Variants in GLIS3 observed in about 807,000 individuals in gnomAD.
GLIS3 encodes zinc finger protein GLIS3.
Under a neutral mutation model 78.6 loss-of-function variants are expected in GLIS3, and 53 were observed. That is an observed-to-expected ratio of 0.67 (90% confidence interval 0.54 to 0.85). The LOEUF (loss-of-function observed/expected upper bound fraction) is 0.85, where lower values mean the gene tolerates loss of function less well. Ranked by LOEUF, GLIS3 falls within the 40% of genes least tolerant of loss-of-function variation. The pLI is 0.00. For missense variants in GLIS3, 1,703 were observed against 1,231.1 expected (o/e 1.38, Z -5.74); for synonymous variants, 684 against 509.9 (o/e 1.34, Z -4.60).
rs116363155 is a variant in GLIS3, at chr9:3,991,613, T to A, written c.1711-54424A>T. On this transcript the variant is annotated intron_variant, in intron 4 of 10. Transcript: ENST00000381971. ...TTTTTGTTTTAATTATACTTTCATA[T>A]TTTAACTGTTGCTTATCTTGGGGTT... is the stretch of plus-strand genomic sequence containing the variant. Among the ~76,000 whole-genome samples, 530 of 152,142 alleles carry A rather than the reference T, an allele frequency of 3.5e-3. 5 individuals carry two copies. Among genetic ancestry groups the A allele is most frequent in the African/African-American group, 0.012 (518 of 41,506 alleles).
At chr9:4,277,246 G>A (rs181442006) in intron 2 of GLIS3, among the ~76,000 whole-genome samples, 16 of 152,160 alleles carry the variant, frequency 1.1e-4, no homozygotes, top group Admixed American at 3.3e-4. Flanking sequence ...CTAAGTATAG[G>A]AAAGTAACAT....
At chr9:4,317,918 G>A (rs951452513) in intron 2 of GLIS3, among the ~76,000 whole-genome samples, 2 of 152,130 alleles carry the variant, frequency 1.3e-5, no homozygotes, top group South Asian at 2.1e-4. Flanking sequence ...CAAGCCAAGG[G>A]AATTGTTCCT....
At position 3,824,808 on chromosome 9, in the gene GLIS3, G is replaced by A. The variant is rs1193759126; in HGVS notation, c.*3464C>T. 2 of 151,128 alleles carry A rather than the reference G, an allele frequency of 1.3e-5. No homozygotes were observed. The highest frequency in any genetic ancestry group is 4.9e-5 in the African/African-American group (2 of 40,856). The allele number at this position is 151,128 out of a possible 1,614,324, so 9.4% of individuals were successfully genotyped here. On this transcript the variant is annotated 3_prime_UTR_variant, in exon 11 of 11. Transcript: ENST00000381971. ...GATTTCCACTTTTTTCCCCCAAAGT[G>A]CTTTATGTCAGCAACATTACACAGG...
At chr9:4,022,651 A>G (rs939528560) in intron 4 of GLIS3, among the ~76,000 whole-genome samples, 1 of 152,142 alleles carries the variant, frequency 6.6e-6, no homozygotes, top group African/African-American at 2.4e-5. Flanking sequence ...CTTATTCACA[A>G]TAGTCAAAAA....
chr9:3,908,714 T>TTTG (rs1823906867), intron 6 of GLIS3, among the ~76,000 whole-genome samples: 2 of 141,456 alleles, frequency 1.4e-5, no homozygotes, highest in South Asian at 2.3e-4. Context: ...TTGTTTTTTT[T>TTTG]TTTTTTTTTT....
the GLIS3 span, among the ~76,000 whole-genome samples, chr9:4,400,353 G>A: frequency 3.3e-5 from 5 of 152,082 alleles, no homozygotes; most frequent in Non-Finnish European, 7.3e-5. Flanking sequence ...GCAAAGGGTA[G>A]AGCTCTTTAT....
intron 2 of GLIS3, among the ~76,000 whole-genome samples, chr9:4,131,283 G>A (rs781102021): frequency 2.0e-5 from 3 of 152,170 alleles, no homozygotes; most frequent in Non-Finnish European, 4.4e-5. Flanking sequence ...AATGAGTTAA[G>A]ACTTTGGAGA....
chr9:3,968,737 T>C (rs1444944401), intron 4 of GLIS3, among the ~76,000 whole-genome samples: 1 of 152,216 alleles, frequency 6.6e-6, no homozygotes, highest in Non-Finnish European at 1.5e-5. Context: ...ATTGAAGAAC[T>C]CATGTAACCA....
At chr9:4,370,890 A>G in the GLIS3 span, among the ~76,000 whole-genome samples, 24 of 152,064 alleles carry the variant, frequency 1.6e-4, no homozygotes, top group African/African-American at 5.3e-4. Context: ...AATTAGTGAA[A>G]CCTCAGAAGG....
At chr9:3,979,818 T>C (rs1391208581) in intron 4 of GLIS3, among the ~76,000 whole-genome samples, 1 of 152,164 alleles carries the variant, frequency 6.6e-6, no homozygotes, top group African/African-American at 2.4e-5. Flanking sequence ...ATTATTAAGT[T>C]CCAGATGGTA....
At chr9:4,227,884 G>A (rs1197353510) in intron 2 of GLIS3, among the ~76,000 whole-genome samples, 1 of 152,208 alleles carries the variant, frequency 6.6e-6, no homozygotes, top group Non-Finnish European at 1.5e-5. Flanking sequence ...GTTCTGTCCA[G>A]GGACCCGAGG....
intron 2 of GLIS3, among the ~76,000 whole-genome samples, chr9:4,150,219 G>A (rs1303503578): frequency 6.6e-6 from 1 of 152,178 alleles, no homozygotes; most frequent in Non-Finnish European, 1.5e-5. Context: ...AAAGCTGAAA[G>A]GGGGTCTTTT....
chr9:4,155,681 T>C (rs1269635846), intron 2 of GLIS3, among the ~76,000 whole-genome samples: 1 of 152,108 alleles, frequency 6.6e-6, no homozygotes, highest in Non-Finnish European at 1.5e-5. Flanking sequence ...GGAGAACCCA[T>C]AAGTCGAGCA....
chr9:4,085,608 T>C (rs1193409484), intron 4 of GLIS3, among the ~76,000 whole-genome samples: 1 of 152,154 alleles, frequency 6.6e-6, no homozygotes, highest in African/African-American at 2.4e-5. Context: ...CCAAATGTCA[T>C]GTTGAAGTGT....
chr9:4,349,509 G>T (rs115726926), upstream of GLIS3, among the ~76,000 whole-genome samples: 1,796 of 152,156 alleles, frequency 0.012, 47 homozygotes, highest in African/African-American at 0.041. Flanking sequence ...AATGGAAATG[G>T]TCATTGCACA....
chr9:4,062,695 AG>A (rs1826751267), intron 4 of GLIS3, among the ~76,000 whole-genome samples: 2 of 152,208 alleles, frequency 1.3e-5, no homozygotes, highest in Admixed American at 1.3e-4. Context: ...CGGGAGGCCG[AG>A]GCGGGCGGAT....
At chr9:4,105,194 G>C (rs929028999) in intron 4 of GLIS3, among the ~76,000 whole-genome samples, 2 of 152,116 alleles carry the variant, frequency 1.3e-5, no homozygotes, top group African/African-American at 4.8e-5. Flanking sequence ...ACAAAACAAA[G>C]TGATTTAGAG....
At chr9:4,019,567 G>A (rs1174788104) in intron 4 of GLIS3, among the ~76,000 whole-genome samples, 5 of 152,062 alleles carry the variant, frequency 3.3e-5, no homozygotes, top group Non-Finnish European at 7.4e-5. Flanking sequence ...AGGAAAGGCA[G>A]GGGAAATCAA....
At chr9:4,032,329 G>A (rs187051662) in intron 4 of GLIS3, among the ~76,000 whole-genome samples, 4 of 149,252 alleles carry the variant, frequency 2.7e-5, no homozygotes, top group African/African-American at 1.0e-4. Context: ...ATTCCAGCTA[G>A]GAACTTTGGT....
Sources: allele counts gnomAD v4.1 joint callset (sites outside exome capture counted in the v4.1 genomes callset), GRCh38; gene constraint gnomAD v4.1.1; transcripts MANE v1.5; gene names NCBI Gene and HGNC (gene_info 2026-07-23, HGNC 2026-07-21).